SLC9A9: variants seen among roughly 807,000 people sequenced by gnomAD.
The protein encoded by SLC9A9 is solute carrier family 9 member A9, also known as sodium/hydrogen exchanger 9.
SLC9A9 carries 62 observed loss-of-function variants against 77.8 expected under a neutral mutation model. The ratio of observed to expected loss-of-function variants is 0.80; its 90% CI spans 0.65 to 0.98. The LOEUF is 0.98. Among genes scored for constraint, SLC9A9 ranks in the 50% least tolerant of loss-of-function variants. The pLI is 0.00. For synonymous variants in SLC9A9, 320 were observed against 283.5 expected (o/e 1.13, Z -1.29); for missense variants, 775 against 774.9 (o/e 1.00, Z 0.00).
chr3:143,320,910 CAT>C, intron 14 of SLC9A9, among the ~76,000 whole-genome samples: 1 of 152,216 alleles, frequency 6.6e-6, no homozygotes, highest in East Asian at 1.9e-4. Flanking sequence ...GAAATTTGTA[CAT>C]AGAGACACAG....
intron 4 of SLC9A9, among the ~76,000 whole-genome samples, chr3:143,726,834 G>C (rs1406591037): frequency 6.6e-6 from 1 of 152,150 alleles, no homozygotes; most frequent in Non-Finnish European, 1.5e-5. Context: ...GTGACCAAGA[G>C]AGTAGTTATC....
chr3:143,431,656 T>C (rs2034519326), intron 12 of SLC9A9, among the ~76,000 whole-genome samples: 1 of 152,108 alleles, frequency 6.6e-6, no homozygotes, highest in African/African-American at 2.4e-5. Flanking sequence ...TAATTTTTTG[T>C]ATTTTTAATA....
At chr3:143,278,393 T>C (rs1463022263) in intron 14 of SLC9A9, among the ~76,000 whole-genome samples, 1 of 152,190 alleles carries the variant, frequency 6.6e-6, no homozygotes, top group African/African-American at 2.4e-5. Context: ...GATGCTGTGT[T>C]AGATCTGGTT....
chr3:143,626,558 T>G (rs569965191), intron 6 of SLC9A9, among the ~76,000 whole-genome samples: 13 of 151,864 alleles, frequency 8.6e-5, no homozygotes, highest in Non-Finnish European at 1.6e-4. Context: ...TAGGTGGGAA[T>G]TGAACAATGA....
At position 143,274,523 on chromosome 3, in the gene SLC9A9, C is replaced by A. The variant is rs187076064; in HGVS notation, c.1605-5543G>T. Among the ~76,000 whole-genome samples the A allele has an allele frequency of 9.9e-5, 15 of 152,268 alleles. 1 individual carries two copies. The highest frequency in any genetic ancestry group is 2.1e-4 in the South Asian group (1 of 4,822). ...TGGATTTGTAGCATTTCCCAATTTC[C>A]ATGGTGTATAAATACTCCCACTACG... On this transcript the variant is annotated intron_variant, in intron 14 of 15. Transcript: ENST00000316549.
At chr3:143,747,241 T>A (rs937849074) in intron 4 of SLC9A9, among the ~76,000 whole-genome samples, 5 of 151,786 alleles carry the variant, frequency 3.3e-5, no homozygotes, top group African/African-American at 1.2e-4. Flanking sequence ...CCGTCTCTAC[T>A]AAAAATACAA....
intron 4 of SLC9A9, among the ~76,000 whole-genome samples, chr3:143,731,529 T>C (rs1934802964): frequency 1.3e-5 from 2 of 152,226 alleles, no homozygotes; most frequent in African/African-American, 4.8e-5. Flanking sequence ...AGCCTTCTTA[T>C]GTGTCCTCAG....
chr3:143,785,570 G>A (rs545937727), intron 4 of SLC9A9, among the ~76,000 whole-genome samples: 9 of 152,336 alleles, frequency 5.9e-5, no homozygotes, highest in Non-Finnish European at 2.9e-5. Context: ...AGAATTGTGA[G>A]CTATTAAAAC....
At chr3:143,836,366 C>A (rs1205655284) in intron 1 of SLC9A9, among the ~76,000 whole-genome samples, 13 of 152,186 alleles carry the variant, frequency 8.5e-5, no homozygotes, top group Non-Finnish European at 7.4e-5. Context: ...CTAGAAAAGC[C>A]AATCACTTTG....
chr3:143,310,350 A>G (rs2030968766), intron 14 of SLC9A9, among the ~76,000 whole-genome samples: 1 of 152,198 alleles, frequency 6.6e-6, no homozygotes, highest in African/African-American at 2.4e-5. Flanking sequence ...TTTCCAGTGC[A>G]CACTTTCTTC....
intron 9 of SLC9A9, among the ~76,000 whole-genome samples, chr3:143,537,512 A>G (rs1360965903): frequency 6.6e-6 from 1 of 152,208 alleles, no homozygotes; most frequent in Non-Finnish European, 1.5e-5. Context: ...TCCTTAGAGT[A>G]TCTGCTATGT....
At chr3:143,714,704 G>A (rs998805057) in intron 4 of SLC9A9, among the ~76,000 whole-genome samples, 4 of 152,188 alleles carry the variant, frequency 2.6e-5, no homozygotes, top group Admixed American at 2.6e-4. Flanking sequence ...TGTGCCCCAA[G>A]AGGCTGATCT....
At chr3:143,367,253 C>G (rs2032932345) in intron 13 of SLC9A9, among the ~76,000 whole-genome samples, 1 of 152,272 alleles carries the variant, frequency 6.6e-6, no homozygotes, top group East Asian at 1.9e-4. Flanking sequence ...TTCTAAAAAA[C>G]TTCATTTCAT....
intron 12 of SLC9A9, among the ~76,000 whole-genome samples, chr3:143,395,640 T>C (rs1410807211): frequency 7.2e-5 from 11 of 152,054 alleles, no homozygotes; most frequent in Non-Finnish European, 1.3e-4. Flanking sequence ...GCAAACGAAA[T>C]TACCATCAGA....
intron 11 of SLC9A9, among the ~76,000 whole-genome samples, chr3:143,491,832 T>A (rs1320422735): frequency 6.6e-6 from 1 of 152,242 alleles, no homozygotes; most frequent in Non-Finnish European, 1.5e-5. Flanking sequence ...AAGTTACTGA[T>A]GTTTTGATGG....
At chr3:143,276,248 GGATGTTTTCAAAAACA>G (rs1031780010) in intron 14 of SLC9A9, among the ~76,000 whole-genome samples, 1 of 152,168 alleles carries the variant, frequency 6.6e-6, no homozygotes, top group African/African-American at 2.4e-5. Context: ...CCAGTTCTAA[GGATGTTTTCAAAAACA>G]TTCCAACTAT....
chr3:143,350,704 A>T (rs2032427532), intron 14 of SLC9A9, among the ~76,000 whole-genome samples: 1 of 152,190 alleles, frequency 6.6e-6, no homozygotes. Context: ...AAATATGATT[A>T]TACTCATCTT....
chr3:143,503,327 T>C, intron 9 of SLC9A9: 1 of 301,316 alleles, frequency 3.3e-6, no homozygotes, highest in Non-Finnish European at 6.5e-6. Context: ...GTAGCCAAAT[T>C]CATGGTCATA....
At chr3:143,369,813 CT>C (rs1220222720) in intron 13 of SLC9A9, among the ~76,000 whole-genome samples, 3 of 152,240 alleles carry the variant, frequency 2.0e-5, no homozygotes, top group East Asian at 1.9e-4. Flanking sequence ...TTGTGGCTTT[CT>C]TTTTTGCTGT....
Sources: allele counts gnomAD v4.1 joint callset (sites outside exome capture counted in the v4.1 genomes callset), GRCh38; gene constraint gnomAD v4.1.1; transcripts MANE v1.5; gene names NCBI Gene and HGNC (gene_info 2026-07-23, HGNC 2026-07-21).